PDE4B: variants seen among roughly 807,000 people sequenced by gnomAD.
PDE4B encodes 3',5'-cyclic-AMP phosphodiesterase 4B.
Under a neutral mutation model 82.2 loss-of-function variants are expected in PDE4B, and 20 were observed. The ratio of observed to expected loss-of-function variants is 0.24; its 90% CI spans 0.17 to 0.35. The LOEUF (loss-of-function observed/expected upper bound fraction) is 0.35, where lower values mean the gene tolerates loss of function less well. Ranked by LOEUF, PDE4B falls within the 10% of genes least tolerant of loss-of-function variation. The pLI is 1.00. For missense variants in PDE4B, 655 were observed against 907.2 expected, an observed-to-expected ratio of 0.72 and a Z score of 3.57; for synonymous variants, 320 against 318.9, an observed-to-expected ratio of 1.00 and a Z score of -0.04.
chr1:65,965,849 C>G (rs769292777), intron 3 of PDE4B, among the ~76,000 whole-genome samples: 3 of 152,190 alleles, frequency 2.0e-5, no homozygotes, highest in East Asian at 1.9e-4. Context: ...ATTCAACACC[C>G]CTTCATGCTA....
intron 7 of PDE4B, among the ~76,000 whole-genome samples, chr1:66,314,165 G>T (rs1658860373): frequency 6.6e-6 from 1 of 151,948 alleles, no homozygotes; most frequent in East Asian, 1.9e-4. Flanking sequence ...TTATCCTATT[G>T]CTACCATCTA....
intron 1 of PDE4B, among the ~76,000 whole-genome samples, chr1:65,800,227 T>C (rs899195333): frequency 6.6e-6 from 1 of 152,192 alleles, no homozygotes; most frequent in African/African-American, 2.4e-5. Context: ...GCAGACTGCC[T>C]ATATATACTT....
At chr1:66,362,029 T>G (rs974932413) in intron 10 of PDE4B, among the ~76,000 whole-genome samples, 8 of 152,090 alleles carry the variant, frequency 5.3e-5, no homozygotes, top group Non-Finnish European at 1.5e-5. Flanking sequence ...TCTCTTATGC[T>G]GGGTAGCCAT....
chr1:66,354,155 A>G (rs1440111698), intron 8 of PDE4B, among the ~76,000 whole-genome samples: 3 of 152,222 alleles, frequency 2.0e-5, no homozygotes, highest in Admixed American at 2.0e-4. Context: ...GCCTAGTCTA[A>G]AAACAGCCAT....
chr1:65,997,361 T>C (rs181518744), intron 3 of PDE4B, among the ~76,000 whole-genome samples: 295 of 152,276 alleles, frequency 1.9e-3, no homozygotes, highest in African/African-American at 6.9e-3. Context: ...TTAACAAAGG[T>C]TTATGAAGTC....
At chr1:66,330,860 A>T (rs935065659) in intron 7 of PDE4B, 89 of 890,372 alleles carry the variant, frequency 1.0e-4, no homozygotes, top group Non-Finnish European at 1.2e-4. Flanking sequence ...GTCTGGCTTG[A>T]AATGAGTTTT....
At position 66,263,765 on chromosome 1, in the gene PDE4B, C is replaced by T. The variant is rs532376511; in HGVS notation, c.585-2273C>T. ...CCTTTGGAGAAGGTTTGATGGGTAACTTAACCTTAAGTTAACCTTAACTTA... is the reference window on the plus strand; with the variant it reads ...CCTTTGGAGAAGGTTTGATGGGTAATTTAACCTTAAGTTAACCTTAACTTA... On this transcript the variant is annotated intron_variant, in intron 6 of 16. Transcript: ENST00000341517. Among the ~76,000 whole-genome samples the T allele has an allele frequency of 4.0e-4, 61 of 152,100 alleles. 1 individual carries two copies. Among genetic ancestry groups the T allele is most frequent in the Non-Finnish European group, 3.1e-4 (21 of 68,016 alleles).
chr1:66,372,618 T>A lies in PDE4B; in HGVS notation c.2151T>A (p.Asp717Glu). The A allele has an allele frequency of 6.2e-7, 1 of 1,614,008 alleles. No homozygotes were observed. The change falls in exon 17 of 17, where the codon GAT becomes GAA. Residue 717 changes from aspartate to glutamate, a missense_variant. Physicochemically the swap from Asp to Glu is conservative, Grantham distance 45. Coordinates refer to ENST00000341517, the MANE Select transcript of PDE4B (RefSeq NM_002600.4). The stretch of plus-strand genomic sequence containing the variant: ...GTGTGATTGATCCAGAAAACAGAGA[T>A]TCCCTGGGAGAGACTGACATAGACA... ...TLCVIDPENR[D>E]SLGETDIDIA...
At chr1:66,350,565 C>A (rs1334188991) in intron 8 of PDE4B, among the ~76,000 whole-genome samples, 1 of 152,112 alleles carries the variant, frequency 6.6e-6, no homozygotes, top group Non-Finnish European at 1.5e-5. Context: ...GAAGCTCTTT[C>A]ATGGGCTTTA....
At chr1:65,962,580 A>G (rs542058850) in intron 3 of PDE4B, among the ~76,000 whole-genome samples, 1 of 152,282 alleles carries the variant, frequency 6.6e-6, no homozygotes, top group Non-Finnish European at 1.5e-5. Context: ...GATTATCCAA[A>G]TTTGGGTGGC....
chr1:66,192,457 C>T (rs544328916), intron 3 of PDE4B, among the ~76,000 whole-genome samples: 1 of 152,092 alleles, frequency 6.6e-6, no homozygotes, highest in South Asian at 2.1e-4. Flanking sequence ...ACTGTACTGT[C>T]CTTACTGTTT....
chr1:66,156,301 T>C (rs1251152828), intron 3 of PDE4B, among the ~76,000 whole-genome samples: 1 of 152,128 alleles, frequency 6.6e-6, no homozygotes, highest in Non-Finnish European at 1.5e-5. Flanking sequence ...GCAACTCTTA[T>C]AAGTTGCACA....
At chr1:65,793,519 G>A (rs1290852898) in intron 1 of PDE4B, among the ~76,000 whole-genome samples, 4 of 152,194 alleles carry the variant, frequency 2.6e-5, no homozygotes, top group African/African-American at 9.6e-5. Flanking sequence ...GGAGAGGATG[G>A]AGAGAGGCTA....
At chr1:66,236,943 AAAAACAAGTTCCTTCCT>A (rs1337750641) in intron 3 of PDE4B, among the ~76,000 whole-genome samples, 1 of 152,216 alleles carries the variant, frequency 6.6e-6, no homozygotes, top group African/African-American at 2.4e-5. Context: ...TCACGTCTAT[AAAAACAAGTTCCTTCCT>A]TCCTCAGAAG....
chr1:66,194,663 A>C (rs1014403211), intron 3 of PDE4B, among the ~76,000 whole-genome samples: 2 of 152,166 alleles, frequency 1.3e-5, no homozygotes, highest in African/African-American at 4.8e-5. Context: ...TTAATGAGCA[A>C]GTATATTCTA....
At chr1:66,257,493 T>G (rs746078793) in intron 4 of PDE4B, 154 bp from the exon 5 acceptor site, 1 of 830,970 alleles carries the variant, frequency 1.2e-6, no homozygotes, top group South Asian at 1.3e-5. Flanking sequence ...GAATACCCTT[T>G]CGTGCCAAAT....
intron 1 of PDE4B, among the ~76,000 whole-genome samples, chr1:65,798,238 CTTTTTTTTTTTT>C (rs781315273): frequency 4.4e-5 from 1 of 22,668 alleles, no homozygotes; most frequent in South Asian, 1.9e-3. Flanking sequence ...CCAGGCTAGT[CTTTTTTTTTTTT>C]TTTTTTTTTT....
chr1:66,177,432 T>C (rs1646953117), intron 3 of PDE4B, among the ~76,000 whole-genome samples: 1 of 152,218 alleles, frequency 6.6e-6, no homozygotes, highest in Admixed American at 6.5e-5. Context: ...CTGTGTGACT[T>C]GGGACTTAGG....
chr1:65,804,589 T>A (rs1645733035), intron 1 of PDE4B, among the ~76,000 whole-genome samples: 1 of 151,822 alleles, frequency 6.6e-6, no homozygotes, highest in African/African-American at 2.4e-5. Flanking sequence ...AATTAGAGAG[T>A]AGGGAATTCT....
Sources: gnomAD v4.1 joint callset for allele counts (sites outside exome capture counted in the v4.1 genomes callset) on GRCh38, gnomAD v4.1.1 for gene constraint, MANE v1.5 for transcripts, NCBI Gene and HGNC (gene_info 2026-07-23, HGNC 2026-07-21) for gene names.